The following IQCM variants were observed in gnomAD, a reference collection of about 807,000 sequenced individuals.
IQCM encodes IQ motif containing M, also known as IQ domain-containing protein M.
IQCM carries 45 observed loss-of-function variants against 57.6 expected under a neutral mutation model. The observed-to-expected ratio is 0.78, with a 90% CI of 0.62 to 1.00. The LOEUF (loss-of-function observed/expected upper bound fraction) is 1.00. Ranked by LOEUF, IQCM falls within the 50% of genes least tolerant of loss-of-function variation. The probability of loss-of-function intolerance (pLI) is 0.00; values close to 1 mark genes in which losing one functional copy is unlikely to be tolerated. For synonymous variants in IQCM, 148 were observed against 158.9 expected (o/e 0.93, Z 0.51); for missense variants, 468 against 511.6 (o/e 0.91, Z 0.82).
At chr4:149,364,619 G>A (rs2110937761) in intron 13 of IQCM, among the ~76,000 whole-genome samples, 1 of 152,222 alleles carries the variant, frequency 6.6e-6, no homozygotes, top group East Asian at 1.9e-4. Flanking sequence ...GGAAATGAGA[G>A]AGCAGGCCTA....
At chr4:149,549,450 G>A (rs1298221747) in intron 11 of IQCM, among the ~76,000 whole-genome samples, 4 of 151,588 alleles carry the variant, frequency 2.6e-5, no homozygotes, top group Non-Finnish European at 4.4e-5. Flanking sequence ...CCCGGGAGGC[G>A]GAACTTGCAG....
intron 4 of IQCM, among the ~76,000 whole-genome samples, chr4:149,734,384 A>G (rs575807231): frequency 1.4e-4 from 21 of 152,304 alleles, no homozygotes; most frequent in African/African-American, 5.1e-4. Flanking sequence ...TGTTCCCACC[A>G]GTGAAATTAA....
intron 5 of IQCM, among the ~76,000 whole-genome samples, chr4:149,720,204 A>T (rs569378245): frequency 1.3e-5 from 2 of 152,210 alleles, no homozygotes; most frequent in South Asian, 4.1e-4. Flanking sequence ...CTATTCTAAG[A>T]TTTTTTTTAT....
chr4:149,651,074 A>G (rs564644492), intron 7 of IQCM, among the ~76,000 whole-genome samples: 2 of 152,322 alleles, frequency 1.3e-5, no homozygotes, highest in South Asian at 2.1e-4. Flanking sequence ...AGCATATTGC[A>G]TGAGAACAAA....
At chr4:149,757,305 A>G (rs2149952646) in intron 2 of IQCM, among the ~76,000 whole-genome samples, 1 of 152,128 alleles carries the variant, frequency 6.6e-6, no homozygotes, top group South Asian at 2.1e-4. Flanking sequence ...AAAAGGAAAA[A>G]GGAAGATAAG....
At chr4:149,749,745 A>G (rs1768259038) in intron 2 of IQCM, among the ~76,000 whole-genome samples, 1 of 152,142 alleles carries the variant, frequency 6.6e-6, no homozygotes, top group African/African-American at 2.4e-5. Context: ...TAATGTTTCA[A>G]TATAACCTAT....
At chr4:149,748,804 G>T (rs970310507) in intron 2 of IQCM, 3 of 152,180 alleles carry the variant, frequency 2.0e-5, no homozygotes, top group Non-Finnish European at 4.4e-5. Context: ...CCATACTTGA[G>T]TAGAGATCAA....
chr4:149,407,499 G>T (rs1271829832), intron 13 of IQCM, among the ~76,000 whole-genome samples: 2 of 152,040 alleles, frequency 1.3e-5, no homozygotes, highest in African/African-American at 4.8e-5. Flanking sequence ...AGTCTCCAGT[G>T]CCTATTATTC....
At position 149,588,258 on chromosome 4, in the gene IQCM, A is replaced by G. The variant is rs548022222; in HGVS notation, c.682-261T>C. Among the ~76,000 whole-genome samples the G allele has an allele frequency of 3.3e-5, 5 of 152,012 alleles. No homozygotes were observed. In the South Asian group the frequency reaches 8.3e-4, roughly 25 times the overall value. On this transcript the variant is annotated intron_variant, in intron 8 of 13. Transcript: ENST00000636793. ...AAATATCCTTACAACTATATTATAGATCAGAATTTTATTTATTTATTTATT... is the reference window on the plus strand; with the variant it reads ...AAATATCCTTACAACTATATTATAGGTCAGAATTTTATTTATTTATTTATT...
intron 2 of IQCM, among the ~76,000 whole-genome samples, chr4:149,787,238 A>G (rs1772154922): frequency 6.6e-6 from 1 of 151,984 alleles, no homozygotes; most frequent in Non-Finnish European, 1.5e-5. Context: ...CAGCATATGT[A>G]TACCTATGTA....
chr4:149,427,074 A>C (rs1388082113), intron 13 of IQCM, among the ~76,000 whole-genome samples: 1 of 151,514 alleles, frequency 6.6e-6, no homozygotes, highest in African/African-American at 2.4e-5. Context: ...CCTTTTTTTT[A>C]ATTTCTAGAT....
chr4:149,403,012 T>G (rs1732726442), intron 13 of IQCM, among the ~76,000 whole-genome samples: 1 of 151,916 alleles, frequency 6.6e-6, no homozygotes, highest in Non-Finnish European at 1.5e-5. Flanking sequence ...GGCTTTATAT[T>G]TTTCACTTAT....
intron 13 of IQCM, among the ~76,000 whole-genome samples, chr4:149,377,798 TA>T (rs1730798126): frequency 2.0e-5 from 3 of 152,202 alleles, no homozygotes; most frequent in Non-Finnish European, 4.4e-5. Context: ...TGGGAGTATT[TA>T]GCCCATGAAA....
chr4:149,689,287 T>TC (rs1762773847), intron 5 of IQCM, among the ~76,000 whole-genome samples: 1 of 152,082 alleles, frequency 6.6e-6, no homozygotes, highest in African/African-American at 2.4e-5. Flanking sequence ...GAAATCATCA[T>TC]CTGCACCAAA....
chr4:149,548,614 A>G, intron 11 of IQCM, 25 bp from the exon 12 acceptor site: 1 of 1,153,776 alleles, frequency 8.7e-7, no homozygotes, highest in Non-Finnish European at 1.1e-6. Flanking sequence ...ATGTAAAAGA[A>G]AATATTTTTT....
intron 2 of IQCM, among the ~76,000 whole-genome samples, chr4:149,805,480 A>G (rs1773991651): frequency 6.6e-6 from 1 of 152,082 alleles, no homozygotes; most frequent in African/African-American, 2.4e-5. Flanking sequence ...AACATCCTGA[A>G]GAAATATCAG....
At chr4:149,530,931 T>C (rs1473471400) in intron 12 of IQCM, among the ~76,000 whole-genome samples, 4 of 151,960 alleles carry the variant, frequency 2.6e-5, no homozygotes, top group Non-Finnish European at 5.9e-5. Flanking sequence ...CTTTGTTTTA[T>C]GTTCTATATG....
intron 13 of IQCM, among the ~76,000 whole-genome samples, chr4:149,426,544 G>T (rs1734473581): frequency 6.6e-6 from 1 of 151,944 alleles, no homozygotes. Context: ...TTCAGGCTCA[G>T]GGGCTATCAT....
chr4:149,499,222 A>G (rs1742987045), intron 12 of IQCM, among the ~76,000 whole-genome samples: 1 of 152,220 alleles, frequency 6.6e-6, no homozygotes, highest in Non-Finnish European at 1.5e-5. Flanking sequence ...TGTTATGCAG[A>G]GAACAGGAAA....
Sources: gnomAD v4.1 joint callset for allele counts (sites outside exome capture counted in the v4.1 genomes callset) on GRCh38, gnomAD v4.1.1 for gene constraint, MANE v1.5 for transcripts, NCBI Gene and HGNC (gene_info 2026-07-23, HGNC 2026-07-21) for gene names.